NEFH: variants seen among roughly 807,000 people sequenced by gnomAD.
The protein encoded by NEFH is neurofilament heavy chain, also known as neurofilament heavy polypeptide.
NEFH carries 58 observed loss-of-function variants against 56.6 expected under a neutral mutation model. That is an observed-to-expected ratio of 1.03 (90% CI 0.83 to 1.28). The LOEUF (loss-of-function observed/expected upper bound fraction) is 1.28, where lower values mean the gene tolerates loss of function less well. NEFH is among the 50% of genes most tolerant of loss of function. The pLI is 0.00. For missense variants in NEFH, 1,221 were observed against 1,307.6 expected (o/e 0.93, Z 1.02); for synonymous variants, 542 against 545.8 (o/e 0.99, Z 0.10).
Position 29,483,547 on chromosome 22 carries a change from T to C in NEFH, c.1056T>C (p.Arg352=). 1.2e-6 allele frequency: 2 copies of C among 1,613,802 alleles called. No individual in the cohort carries two copies. Among genetic ancestry groups the C allele is most frequent in the East Asian group, 4.5e-5 (2 of 44,880 alleles). The change falls in exon 2 of 4, where the codon CGT becomes CGC. Residue 352 remains arginine (R), a synonymous_variant. Transcript: ENST00000310624. Reference sequence around the variant, plus strand: ...GGCAGCGCTCTGAGCTGGAGGACCGTCATCAGGCCGACATTGCCTCCTACC... The same window carrying C: ...GGCAGCGCTCTGAGCTGGAGGACCGCCATCAGGCCGACATTGCCTCCTACC... ...LERQRSELED[R]HQADIASYQE...
rs1267522365 is a variant in NEFH at position 29,481,105 on chromosome 22, C to G, written c.843C>G (p.His281Gln). The change falls in exon 1 of 4, where the codon CAC becomes CAG. Residue 281 changes from histidine (H) to glutamine (Q), a missense_variant. Physicochemically the swap from His to Gln is conservative, Grantham distance 24. This residue lies in a region of NEFH where 640 missense variants were observed against 555.5 expected (regional missense o/e 1.15). Coordinates refer to ENST00000310624, the MANE Select transcript of NEFH (RefSeq NM_021076.4). Reference sequence around the variant, plus strand: ...AGATTCGCGCGCAGCTTGAAGGCCACGCGGTGCAGAGCACGCTGCAGTCCG... The same window carrying G: ...AGATTCGCGCGCAGCTTGAAGGCCAGGCGGTGCAGAGCACGCTGCAGTCCG... ...LREIRAQLEG[H>Q]AVQSTLQSEE... 21 of 1,531,458 alleles carry G rather than the reference C, an allele frequency of 1.4e-5. No individual in the cohort carries two copies. The highest frequency in any genetic ancestry group is 2.5e-5 in the East Asian group (1 of 40,724). 94.9% of individuals were successfully genotyped at this position (1,531,458 alleles called of 1,614,324 possible). A position where few individuals can be genotyped will look rare whatever the true frequency, so the allele number is the denominator to read the frequency against.
chr22:29,483,207 A>G (rs1170347013), intron 1 of NEFH, among the ~76,000 whole-genome samples, 168 bp from the exon 2 acceptor site: 2 of 150,666 alleles, frequency 1.3e-5, no homozygotes, highest in African/African-American at 4.9e-5. Flanking sequence ...TGAACCCAGG[A>G]GGCGGAGCTT....
chr22:29,481,332 A>G lies in NEFH; in HGVS notation c.883+187A>G, dbSNP rs367951665. Among the ~76,000 whole-genome samples, 4 of 151,722 alleles carry G rather than the reference A, an allele frequency of 2.6e-5. No individual in the cohort carries two copies. In the East Asian group the frequency reaches 5.8e-4, roughly 22 times the overall value. The stretch of plus-strand genomic sequence containing the variant: ...TCTGGGTCTCTTGTGGGACGCCCCA[A>G]CTCTGGGTTGTCCTTCGGTTCCCCC... On this transcript the variant is annotated intron_variant, in intron 1 of 3. Transcript: ENST00000310624.
rs374202245 is a variant in NEFH at position 29,490,729 on chromosome 22, C to T, written c.*26C>T. 1 of 1,613,678 alleles carries T rather than the reference C, an allele frequency of 6.2e-7. No homozygotes were observed. The highest frequency in any genetic ancestry group is 8.5e-7 in the Non-Finnish European group (1 of 1,179,932). On this transcript the variant is annotated 3_prime_UTR_variant, in exon 4 of 4. Coordinates refer to ENST00000310624, the MANE Select transcript of NEFH (RefSeq NM_021076.4). ...GGCAGGGAGAAAGGAACATCCGGAA[C>T]AGCCAAAGAAACTCAGAAGAGTCCC...
intron 2 of NEFH, among the ~76,000 whole-genome samples, chr22:29,483,986 A>G (rs2146395003): frequency 6.6e-6 from 1 of 151,932 alleles, no homozygotes; most frequent in East Asian, 1.9e-4. Flanking sequence ...AGTAGCGGGG[A>G]CTACAGGTGC....
Position 29,480,348 on chromosome 22 carries a change from C to A in NEFH, c.86C>A (p.Ala29Asp). The A allele has an allele frequency of 6.5e-7, 1 of 1,533,640 alleles. No individual in the cohort carries two copies. The highest frequency in any genetic ancestry group is 8.7e-7 in the Non-Finnish European group (1 of 1,147,996). ...HGGGSLHYAL[A>D]RKGGAGGTRS... ...GGCGGCAGCCTCCACTACGCGCTAG[C>A]CCGAAAGGGTGGCGCAGGCGGGACG... Residue 29 changes from alanine to aspartate, a missense_variant, in exon 1 of 4, where the codon GCC becomes GAC. By Grantham distance (126) the Ala-to-Asp change is moderately radical. This residue lies in a region of NEFH where 640 missense variants were observed against 555.5 expected (regional missense o/e 1.15). Coordinates refer to ENST00000310624, the MANE Select transcript of NEFH (RefSeq NM_021076.4).
intron 1 of NEFH, 21 bp downstream of exon 1, chr22:29,481,166 G>A (rs1019029081): frequency 9.8e-6 from 15 of 1,523,712 alleles, no homozygotes; most frequent in Non-Finnish European, 1.3e-5. Flanking sequence ...GCGCGGGTGG[G>A]GGGAGGGGCG....
rs777430498 is a variant in NEFH, at chr22:29,480,223, G to A, written c.-40G>A. 11 of 1,479,004 alleles carry A rather than the reference G, an allele frequency of 7.4e-6. No homozygotes were observed. The highest frequency in any genetic ancestry group is 1.5e-5 in the African/African-American group (1 of 67,806). The allele number at this position is 1,479,004 out of a possible 1,614,324, so 91.6% of individuals were successfully genotyped here. On this transcript the variant is annotated 5_prime_UTR_variant, in exon 1 of 4. Transcript: ENST00000310624. ...GCCGGCGCCCTGGTGCTGCCGCAGT[G>A]CCTCCCGCCCCGTCCCGGCCTCGCG...
rs1266293313 is a variant in NEFH, at chr22:29,490,266, GAGA to G, written c.2632_2634del (p.Lys878del). The stretch of plus-strand genomic sequence containing the variant: ...GGAGGCTCCAAAGCCCAAGGTGGAG[GAGA>G]AGAAGGAACCTGCTGTCGAAAAGCC... On this transcript the variant is annotated inframe_deletion, in exon 4 of 4. Transcript: ENST00000310624. The G allele has an allele frequency of 1.2e-6, 2 of 1,612,338 alleles. No individual in the cohort carries two copies. The highest frequency in any genetic ancestry group is 1.1e-5 in the South Asian group (1 of 90,870).
Position 29,488,984 on chromosome 22 carries a change from G to T in NEFH, c.1344G>T (p.Glu448Asp). 4 of 1,614,188 alleles carry T rather than the reference G, an allele frequency of 2.5e-6. No individual in the cohort carries two copies. The highest frequency in any genetic ancestry group is 3.4e-6 in the Non-Finnish European group (4 of 1,180,042). ...VKSEEKIKVV[E>D]KSEKETVIVE... ...GCGAAGAGAAGATCAAAGTGGTGGA[G>T]AAGTCTGAGAAAGAAACTGTGATTG... The change falls in exon 4 of 4, where the codon GAG (glutamate) becomes GAT (aspartate). Residue 448 changes from glutamate to aspartate, a missense_variant. Glu to Asp is a conservative substitution (Grantham distance 45, BLOSUM62 2). Transcript: ENST00000310624.
chr22:29,484,986 C>A (rs542583799), intron 2 of NEFH, among the ~76,000 whole-genome samples: 3 of 152,260 alleles, frequency 2.0e-5, no homozygotes, highest in African/African-American at 7.2e-5. Context: ...AGGTGCACAT[C>A]ACCATGCCCA....
Position 29,481,087 on chromosome 22 carries a change from C to G in NEFH, c.825C>G (p.Arg275=), listed in dbSNP as rs1369471877. The part of the protein sequence containing the change: ...CDVTSALREI[R]AQLEGHAVQS... ...TGACGTCGGCGCTGCGCGAGATTCG[C>G]GCGCAGCTTGAAGGCCACGCGGTGC... Residue 275 remains arginine, a synonymous_variant, in exon 1 of 4, where the codon CGC becomes CGG. Coordinates refer to ENST00000310624, the MANE Select transcript of NEFH (RefSeq NM_021076.4). The G allele has an allele frequency of 1.3e-6, 2 of 1,531,928 alleles. No homozygotes were observed. The highest frequency in any genetic ancestry group is 4.9e-5 in the East Asian group (2 of 40,744). 94.9% of individuals were successfully genotyped at this position (1,531,928 alleles called of 1,614,324 possible).
In NEFH at chr22:29,480,918, A is replaced by C; in HGVS notation, c.656A>C (p.Lys219Thr). The C allele has an allele frequency of 6.6e-7, 1 of 1,511,690 alleles. No homozygotes were observed. The highest frequency in any genetic ancestry group is 2.0e-4 in the Middle Eastern group (1 of 4,904). 93.6% of individuals were successfully genotyped at this position (1,511,690 alleles called of 1,614,324 possible). Residue 219 changes from lysine (K) to threonine (T), a missense_variant, in exon 1 of 4, where the codon AAG becomes ACG. Lys to Thr is a moderately conservative substitution (Grantham distance 78, BLOSUM62 -1). Around this residue, in one of 4 missense-constraint regions of NEFH, gnomAD observed 640 missense variants for 555.5 expected, o/e 1.15. Transcript: ENST00000310624. ...AEAARVDLQK[K>T]AQALQEECGY... ...GCGGCGCGCGTGGACCTGCAGAAGA[A>C]GGCGCAGGCGCTGCAGGAGGAGTGC...
chr22:29,480,289 G>A lies in NEFH; in HGVS notation c.27G>A (p.Ala9=), dbSNP rs745632920. The change falls in exon 1 of 4, where the codon GCG becomes GCA. Residue 9 remains alanine (A), a synonymous_variant. Coordinates refer to ENST00000310624, the MANE Select transcript of NEFH (RefSeq NM_021076.4). MMSFGGAD[A]LLGAPFAPLH... ...TGATGAGCTTCGGCGGCGCGGACGC[G>A]CTGCTGGGCGCCCCGTTCGCGCCGC... The A allele has an allele frequency of 2.4e-5, 36 of 1,506,418 alleles. 1 individual carries two copies. Among genetic ancestry groups the A allele is most frequent in the Middle Eastern group, 2.1e-4 (1 of 4,770 alleles). The allele number at this position is 1,506,418 out of a possible 1,614,324, so 93.3% of individuals were successfully genotyped here. A position where few individuals can be genotyped will look rare whatever the true frequency, so the allele number is the denominator to read the frequency against.
intron 1 of NEFH, 94 bp from the exon 2 acceptor site, chr22:29,483,276 CAAAAA>C (rs144426244): frequency 1.6e-5 from 15 of 931,164 alleles, no homozygotes; most frequent in Admixed American, 7.7e-5. Flanking sequence ...GAATCCGTCT[CAAAAA>C]AAAAAAAAAA....
Position 29,480,948 on chromosome 22 carries a change from A to G in NEFH, c.686A>G (p.Tyr229Cys), listed in dbSNP as rs1399960168. 6.5e-7 allele frequency: 1 copy of G among 1,529,960 alleles called. No homozygotes were observed. The allele number at this position is 1,529,960 out of a possible 1,614,324, so 94.8% of individuals were successfully genotyped here. Residue 229 changes from tyrosine to cysteine, a missense_variant, in exon 1 of 4, where the codon TAC (tyrosine) becomes TGC (cysteine). Around this residue, in one of 4 missense-constraint regions of NEFH, gnomAD observed 640 missense variants for 555.5 expected, o/e 1.15. Transcript: ENST00000310624. ...CAGGCGCTGCAGGAGGAGTGCGGCT[A>G]CCTGCGGCGCCACCACCAGGAAGAG... ...KAQALQEECGYLRRHHQEEVG... is the reference protein window; with the variant it reads ...KAQALQEECGCLRRHHQEEVG...
In NEFH at chr22:29,481,143, G is replaced by T. The variant is rs1000756943; in HGVS notation, c.881G>T (p.Arg294Leu). 6.5e-7 allele frequency: 1 copy of T among 1,531,700 alleles called. No homozygotes were observed. The highest frequency in any genetic ancestry group is 8.7e-7 in the Non-Finnish European group (1 of 1,145,646). 94.9% of individuals were successfully genotyped at this position (1,531,700 alleles called of 1,614,324 possible). The change falls in exon 1 of 4, where the codon CGA (arginine) becomes CTA (leucine). Residue 294 changes from arginine to leucine, a missense_variant and splice_region_variant. By Grantham distance (102) the Arg-to-Leu change is moderately radical (BLOSUM62 -2). This residue lies in a region of NEFH where 640 missense variants were observed against 555.5 expected (regional missense o/e 1.15). Coordinates refer to ENST00000310624, the MANE Select transcript of NEFH (RefSeq NM_021076.4). Reference protein sequence around the residue: ...QSTLQSEEWFRVRLDRLSEAA... With the variant: ...QSTLQSEEWFLVRLDRLSEAA... Reference sequence around the variant, plus strand: ...ACGCTGCAGTCCGAGGAGTGGTTCCGAGGTACGCAGGCGCGCGGGTGGGGG... The same window carrying T: ...ACGCTGCAGTCCGAGGAGTGGTTCCTAGGTACGCAGGCGCGCGGGTGGGGG...
At chr22:29,486,724 T>C (rs2063046994) in intron 3 of NEFH, among the ~76,000 whole-genome samples, 1 of 152,090 alleles carries the variant, frequency 6.6e-6, no homozygotes, top group Non-Finnish European at 1.5e-5. Context: ...GGTCTCGCTA[T>C]GTTGGCCAGG....
At chr22:29,483,828 T>TTTA (rs947306671) in intron 2 of NEFH, among the ~76,000 whole-genome samples, 1 of 12,356 alleles carries the variant, frequency 8.1e-5, no homozygotes. Context: ...GAGATAGACT[T>TTTA]TTATTTATTT....
Sources: gnomAD v4.1 joint callset for allele counts (sites outside exome capture counted in the v4.1 genomes callset) on GRCh38, gnomAD v4.1.1 for gene constraint, gnomAD v4.1.1 regional missense constraint, MANE v1.5 for transcripts, NCBI Gene and HGNC (gene_info 2026-07-23, HGNC 2026-07-21) for gene names.